TNRC6B: variants seen among roughly 807,000 people sequenced by gnomAD.
The protein encoded by TNRC6B is trinucleotide repeat containing adaptor 6B.
TNRC6B carries 52 observed loss-of-function variants against 203.6 expected under a neutral mutation model. The observed-to-expected ratio is 0.26, with a 90% confidence interval of 0.20 to 0.32. The LOEUF is 0.32. TNRC6B is among the 10% of genes least tolerant of loss of function. The pLI is 1.00. For synonymous variants in TNRC6B, 838 were observed against 845.7 expected (o/e 0.99, Z 0.16); for missense variants, 1,923 against 2,286.2 (o/e 0.84, Z 3.24).
intron 3 of TNRC6B, among the ~76,000 whole-genome samples, chr22:40,142,225 AT>A (rs36034249): frequency 0.28 from 39,644 of 142,886 alleles, 5,916 homozygotes; most frequent in African/African-American, 0.4. Context: ...CGCCTAGCTA[AT>A]TTTTTTTTTT....
chr22:40,074,451 C>T (rs2067987017), intron 1 of TNRC6B, among the ~76,000 whole-genome samples: 1 of 151,554 alleles, frequency 6.6e-6, no homozygotes, highest in African/African-American at 2.4e-5. Flanking sequence ...TCAAGACCAG[C>T]CTGGGAAACA....
At chr22:40,305,014 A>C (rs1398988378) in intron 15 of TNRC6B, among the ~76,000 whole-genome samples, 1 of 152,236 alleles carries the variant, frequency 6.6e-6, no homozygotes, top group Non-Finnish European at 1.5e-5. Flanking sequence ...AGAAAACAGA[A>C]CTGTAAACAG....
chr22:40,288,521 A>G (rs1450117085), intron 12 of TNRC6B, among the ~76,000 whole-genome samples: 1 of 151,848 alleles, frequency 6.6e-6, no homozygotes, highest in Non-Finnish European at 1.5e-5. Context: ...CCTGGACCAC[A>G]TAGTAAAACC....
chr22:40,290,307 G>A (rs1000799221), intron 12 of TNRC6B, among the ~76,000 whole-genome samples: 4 of 152,166 alleles, frequency 2.6e-5, no homozygotes, highest in Non-Finnish European at 5.9e-5. Context: ...ACGTGTCGGC[G>A]TTGCAGGAAG....
chr22:40,160,840 G>A (rs2068865850), intron 4 of TNRC6B, among the ~76,000 whole-genome samples: 1 of 152,138 alleles, frequency 6.6e-6, no homozygotes, highest in South Asian at 2.1e-4. Context: ...AAAGTCCTGG[G>A]ATTACAGGCA....
chr22:40,152,113 G>T (rs546887965), intron 3 of TNRC6B, among the ~76,000 whole-genome samples: 2 of 152,264 alleles, frequency 1.3e-5, no homozygotes, highest in African/African-American at 4.8e-5. Flanking sequence ...ATAAATGAAA[G>T]CTCCTAAAAG....
intron 3 of TNRC6B, among the ~76,000 whole-genome samples, chr22:40,251,737 A>G (rs1340000301): frequency 1.3e-5 from 2 of 152,128 alleles, no homozygotes; most frequent in Non-Finnish European, 2.9e-5. Flanking sequence ...AAAAAAGTAT[A>G]TGGGTCATGA....
At chr22:40,313,419 C>A (rs1469992285) in intron 19 of TNRC6B, among the ~76,000 whole-genome samples, 4 of 150,870 alleles carry the variant, frequency 2.7e-5, no homozygotes, top group Admixed American at 2.0e-4. Flanking sequence ...AGGCTAAGGG[C>A]AGATGGCCAA....
chr22:40,286,573 T>C (rs189186831), intron 12 of TNRC6B, among the ~76,000 whole-genome samples: 1 of 152,160 alleles, frequency 6.6e-6, no homozygotes, highest in Non-Finnish European at 1.5e-5. Flanking sequence ...AGGAGCTGTA[T>C]GCCAACATAG....
intron 1 of TNRC6B, among the ~76,000 whole-genome samples, chr22:40,068,461 G>A (rs1334292988): frequency 1.3e-5 from 2 of 152,082 alleles, no homozygotes; most frequent in East Asian, 1.9e-4. Context: ...GGGACTACAG[G>A]CACGCGCCAC....
intron 1 of TNRC6B, among the ~76,000 whole-genome samples, chr22:40,112,313 T>C (rs1243207642): frequency 6.6e-6 from 1 of 152,180 alleles, no homozygotes; most frequent in East Asian, 1.9e-4. Flanking sequence ...CATGTCAGAT[T>C]GGGCATCAGA....
chr22:40,138,844 A>T (rs941401455), intron 3 of TNRC6B, among the ~76,000 whole-genome samples: 2 of 152,176 alleles, frequency 1.3e-5, no homozygotes, highest in African/African-American at 4.8e-5. Context: ...CCCAAACAGC[A>T]ATTCAAAGTA....
chr22:40,241,839 T>C (rs1420547985), intron 1 of TNRC6B, among the ~76,000 whole-genome samples: 2 of 152,262 alleles, frequency 1.3e-5, no homozygotes, highest in East Asian at 3.8e-4. Context: ...ACTTGTGTTT[T>C]CCTATTTTAT....
intron 12 of TNRC6B, among the ~76,000 whole-genome samples, chr22:40,297,712 C>T (rs1275218921): frequency 6.6e-6 from 1 of 151,992 alleles, no homozygotes; most frequent in African/African-American, 2.4e-5. Context: ...GTCCCAGCTA[C>T]TCAGGAGGCT....
intron 4 of TNRC6B, among the ~76,000 whole-genome samples, chr22:40,162,369 C>T (rs1243757761): frequency 2.0e-5 from 3 of 152,192 alleles, no homozygotes; most frequent in Non-Finnish European, 4.4e-5. Context: ...GCTGGGATTA[C>T]AGGCGTGAGC....
At chr22:40,289,345 A>G (rs1055202707) in intron 12 of TNRC6B, among the ~76,000 whole-genome samples, 2 of 152,136 alleles carry the variant, frequency 1.3e-5, no homozygotes, top group Non-Finnish European at 2.9e-5. Flanking sequence ...TATAGAGGAC[A>G]TGTTTGAATG....
chr22:40,137,222 C>A (rs577922715), intron 3 of TNRC6B, among the ~76,000 whole-genome samples: 2 of 152,182 alleles, frequency 1.3e-5, no homozygotes, highest in African/African-American at 4.8e-5. Context: ...TCTGCTTTAG[C>A]AAAAGTGATA....
rs561652511 is a variant in TNRC6B, at chr22:40,321,224, G to A, written c.5109G>A (p.Leu1703=). 1 of 1,613,826 alleles carries A rather than the reference G, an allele frequency of 6.2e-7. No homozygotes were observed. Among genetic ancestry groups the A allele is most frequent in the Non-Finnish European group, 8.5e-7 (1 of 1,179,894 alleles). ...KQEAAKAQTA[L]HMCVLGNTTI... ...AGGCGGCCAAGGCCCAAACTGCACT[G>A]CACATGTGAGTATTCGGTCCTACAC... Residue 1703 remains leucine, a synonymous_variant, in exon 22 of 23, where the codon CTG becomes CTA. Transcript: ENST00000454349.
chr22:40,296,738 G>A (rs1402315218), intron 12 of TNRC6B, among the ~76,000 whole-genome samples: 3 of 150,962 alleles, frequency 2.0e-5, no homozygotes, highest in Non-Finnish European at 4.4e-5. Flanking sequence ...AGCGATTCTC[G>A]TGCCTCAGCT....
Sources: allele counts gnomAD v4.1 joint callset (sites outside exome capture counted in the v4.1 genomes callset), GRCh38; gene constraint gnomAD v4.1.1; transcripts MANE v1.5; gene names NCBI Gene and HGNC (gene_info 2026-07-23, HGNC 2026-07-21).